Variants in CTNNA3 observed in about 807,000 individuals in gnomAD.
The protein encoded by CTNNA3 is catenin alpha 3.
Under a neutral mutation model 95.7 loss-of-function variants are expected in CTNNA3, and 76 were observed. The observed-to-expected ratio is 0.79, with a 90% confidence interval of 0.66 to 0.96. The LOEUF (loss-of-function observed/expected upper bound fraction) is 0.96, where lower values mean the gene tolerates loss of function less well. Ranked by LOEUF, CTNNA3 falls within the 40% of genes least tolerant of loss-of-function variation. CTNNA3 has a pLI of 0.00. For missense variants in CTNNA3, 1,191 were observed against 1,089.8 expected (o/e 1.09, Z -1.31); for synonymous variants, 431 against 374.4 (o/e 1.15, Z -1.74).
chr10:65,961,454 GT>G (rs1433179047), intron 17 of CTNNA3, among the ~76,000 whole-genome samples: 5 of 152,090 alleles, frequency 3.3e-5, no homozygotes, highest in Admixed American at 1.3e-4. Context: ...CTTTATAGTC[GT>G]TGGCCACTGC....
chr10:65,933,774 C>G (rs1156723076), intron 17 of CTNNA3, among the ~76,000 whole-genome samples: 1 of 152,150 alleles, frequency 6.6e-6, no homozygotes, highest in African/African-American at 2.4e-5. Context: ...GTGGCAGACA[C>G]TATTTGCCCA....
At chr10:66,506,155 T>C (rs539102090) in intron 11 of CTNNA3, among the ~76,000 whole-genome samples, 1 of 152,124 alleles carries the variant, frequency 6.6e-6, no homozygotes, top group Admixed American at 6.5e-5. Context: ...AGAGTGAGAA[T>C]TCACTCATTA....
At chr10:67,214,758 T>C (rs895881946) in intron 6 of CTNNA3, among the ~76,000 whole-genome samples, 4 of 152,044 alleles carry the variant, frequency 2.6e-5, no homozygotes, top group Admixed American at 1.3e-4. Flanking sequence ...CTGAGAATGA[T>C]TTACTATCTT....
At chr10:67,235,459 A>C (rs960760387) in intron 5 of CTNNA3, among the ~76,000 whole-genome samples, 2 of 152,088 alleles carry the variant, frequency 1.3e-5, no homozygotes, top group Non-Finnish European at 2.9e-5. Flanking sequence ...CTGGCTAGCC[A>C]TATGTAGAAA....
intron 5 of CTNNA3, among the ~76,000 whole-genome samples, chr10:67,489,594 G>T (rs1329644476): frequency 6.6e-6 from 1 of 152,084 alleles, no homozygotes; most frequent in Non-Finnish European, 1.5e-5. Flanking sequence ...CAATATCATG[G>T]AAATGAAGTG....
intron 10 of CTNNA3, among the ~76,000 whole-genome samples, chr10:66,576,200 G>T (rs1842997791): frequency 6.6e-6 from 1 of 152,046 alleles, no homozygotes; most frequent in Admixed American, 6.6e-5. Context: ...AGAATCACTG[G>T]GGAGCTTGTT....
chr10:67,601,656 C>G (rs550557857), intron 3 of CTNNA3, among the ~76,000 whole-genome samples: 6 of 152,194 alleles, frequency 3.9e-5, no homozygotes, highest in Non-Finnish European at 7.3e-5. Context: ...TTATAAACAA[C>G]TCTTACCTAA....
At chr10:67,028,648 T>TA (rs35905009) in intron 7 of CTNNA3, among the ~76,000 whole-genome samples, 48,740 of 142,034 alleles carry the variant, frequency 0.34, 9,478 homozygotes, top group East Asian at 0.47. Context: ...TAGTTCTACT[T>TA]AAAAAAAAAA....
chr10:66,952,304 A>G (rs1848576644), intron 7 of CTNNA3, among the ~76,000 whole-genome samples: 1 of 152,230 alleles, frequency 6.6e-6, no homozygotes, highest in African/African-American at 2.4e-5. Flanking sequence ...CTTTGAAAAG[A>G]GACAGATGTC....
At chr10:66,644,274 CTGTCTGTCT>C (rs1564589686) in intron 9 of CTNNA3, among the ~76,000 whole-genome samples, 4 of 98,572 alleles carry the variant, frequency 4.1e-5, no homozygotes, top group African/African-American at 2.1e-4. Context: ...GTCTGTCTGT[CTGTCTGTCT>C]GTCTGTCTGT....
chr10:66,136,186 G>A (rs1396871360), intron 13 of CTNNA3, among the ~76,000 whole-genome samples: 1 of 152,154 alleles, frequency 6.6e-6, no homozygotes, highest in East Asian at 1.9e-4. Flanking sequence ...ACAGGCGTGA[G>A]CCACCGCGCC....
chr10:65,966,806 T>A (rs983946468), intron 16 of CTNNA3, 60 bp from the exon 17 acceptor site: 33 of 1,383,730 alleles, frequency 2.4e-5, no homozygotes, highest in Non-Finnish European at 3.0e-5. Flanking sequence ...TAGATCAAGG[T>A]GAGTAAATAC....
At chr10:66,934,681 G>A (rs1191454412) in intron 7 of CTNNA3, among the ~76,000 whole-genome samples, 1 of 151,988 alleles carries the variant, frequency 6.6e-6, no homozygotes, top group Non-Finnish European at 1.5e-5. Context: ...ATGTATAGGG[G>A]TACTCAACTA....
At chr10:67,430,014 T>C (rs1024350206) in intron 5 of CTNNA3, among the ~76,000 whole-genome samples, 30 of 152,014 alleles carry the variant, frequency 2.0e-4, no homozygotes, top group African/African-American at 7.2e-4. Context: ...CATTGATAGT[T>C]CTCCATAAAA....
intron 13 of CTNNA3, among the ~76,000 whole-genome samples, chr10:66,110,687 G>A (rs112732465): frequency 3.9e-5 from 6 of 152,156 alleles, no homozygotes; most frequent in Non-Finnish European, 5.9e-5. Flanking sequence ...GCTAATCTAA[G>A]TTTGCTTGAT....
At chr10:67,587,027 A>G (rs1485694120) in intron 3 of CTNNA3, among the ~76,000 whole-genome samples, 1 of 151,636 alleles carries the variant, frequency 6.6e-6, no homozygotes, top group Non-Finnish European at 1.5e-5. Flanking sequence ...CAAGTTTAGT[A>G]CTCTCTTTTT....
At chr10:65,926,931 A>G (rs2077176721) in intron 17 of CTNNA3, among the ~76,000 whole-genome samples, 1 of 152,158 alleles carries the variant, frequency 6.6e-6, no homozygotes, top group African/African-American at 2.4e-5. Flanking sequence ...GCACATACAG[A>G]CATTGTTCAA....
chr10:67,646,965 T>C (rs1265502300), intron 2 of CTNNA3, among the ~76,000 whole-genome samples: 1 of 151,978 alleles, frequency 6.6e-6, no homozygotes, highest in African/African-American at 2.4e-5. Context: ...TACATTTTAG[T>C]ATTTTAAAGG....
chr10:67,703,482 A>G (rs1489656451), intron 1 of CTNNA3, among the ~76,000 whole-genome samples: 5 of 152,206 alleles, frequency 3.3e-5, no homozygotes. Flanking sequence ...TACGCAAATC[A>G]ATAAATGTAA....
Sources: gnomAD v4.1 joint callset for allele counts (sites outside exome capture counted in the v4.1 genomes callset) on GRCh38, gnomAD v4.1.1 for gene constraint, MANE v1.5 for transcripts, NCBI Gene and HGNC (gene_info 2026-07-23, HGNC 2026-07-21) for gene names.